Variants in ACSM2A observed in about 807,000 individuals in gnomAD.
ACSM2A encodes the protein acyl-coenzyme A synthetase ACSM2A, mitochondrial.
In ACSM2A, 72 loss-of-function variants were observed where a neutral mutation model predicts 76.6. The ratio of observed to expected loss-of-function variants is 0.94; its 90% CI spans 0.78 to 1.14. ACSM2A has a LOEUF of 1.14. ACSM2A is among the 50% of genes most tolerant of loss of function. The probability of loss-of-function intolerance (pLI) is 0.00; values close to 1 mark genes in which losing one functional copy is unlikely to be tolerated. For synonymous variants in ACSM2A, 249 were observed against 255.9 expected, an observed-to-expected ratio of 0.97 and a Z score of 0.26; for missense variants, 684 against 708.5, an observed-to-expected ratio of 0.97 and a Z score of 0.39.
At position 20,454,900 on chromosome 16, in the gene ACSM2A, G is replaced by GAA. The variant is rs71149145; in HGVS notation, c.-9+3229_-9+3230dup. 2.8e-3 allele frequency among the ~76,000 whole-genome samples: 402 copies of GAA among 143,108 alleles called. 1 individual carries two copies. The highest frequency in any genetic ancestry group is 0.015 in the East Asian group (74 of 4,902). The allele number at this position is 143,108 out of a possible 152,430, so 93.9% of individuals were successfully genotyped here. A position where few individuals can be genotyped will look rare whatever the true frequency, so the allele number is the denominator to read the frequency against. ...CAGAAAAGCTGAAGTCCAATTTAAGGAAAAAAAAAAATACAAGTTATGAGG... is the reference window on the plus strand; with the variant it reads ...CAGAAAAGCTGAAGTCCAATTTAAGGAAAAAAAAAAAAATACAAGTTATGAGG... On this transcript the variant is annotated intron_variant, in intron 1 of 13. Transcript: ENST00000573854.
Position 20,460,197 on chromosome 16 carries a change from G to A in ACSM2A, c.83G>A (p.Arg28Lys), listed in dbSNP as rs548664955. The change falls in exon 2 of 14, where the codon AGG (arginine) becomes AAG (lysine). Residue 28 changes from arginine to lysine, a missense_variant. This residue lies in a region of ACSM2A where 519 missense variants were observed against 549.5 expected (regional missense o/e 0.94). Coordinates refer to ENST00000573854, the MANE Select transcript of ACSM2A (RefSeq NM_001308172.2). ...MSSRTLYINS[R>K]QLVSLQWGHQ... is the part of the protein sequence containing the mutation. The stretch of plus-strand genomic sequence containing the variant: ...AGCCGCACTCTCTACATTAATAGTA[G>A]GCAACTGGTGTCCCTGCAGTGGGGC... The A allele has an allele frequency of 1.2e-6, 2 of 1,613,498 alleles. No individual in the cohort carries two copies. The highest frequency in any genetic ancestry group is 2.2e-5 in the East Asian group (1 of 44,854).
chr16:20,462,039 G>A (rs549105029), intron 2 of ACSM2A, among the ~76,000 whole-genome samples: 2 of 152,286 alleles, frequency 1.3e-5, no homozygotes, highest in East Asian at 1.9e-4. Flanking sequence ...GGTAAAGTCA[G>A]TTCCTTGCTG....
rs1410376297 is a variant in ACSM2A, at chr16:20,486,878, G to A, written c.*200G>A. On this transcript the variant is annotated 3_prime_UTR_variant, in exon 14 of 14. Coordinates refer to ENST00000573854, the MANE Select transcript of ACSM2A (RefSeq NM_001308172.2). ...GGGAAGGAATGAGAGAGAGTGAAAA[G>A]GAGAGGGTAACAGAAAAAAAGGAAA... is the stretch of plus-strand genomic sequence containing the variant. 4 of 578,910 alleles carry A rather than the reference G, an allele frequency of 6.9e-6. No individual in the cohort carries two copies. The highest frequency in any genetic ancestry group is 3.1e-5 in the East Asian group (1 of 32,344). 35.9% of individuals were successfully genotyped at this position (578,910 alleles called of 1,614,324 possible).
At chr16:20,480,452 T>C (rs1826299990) in intron 10 of ACSM2A, 121 bp from the exon 11 acceptor site, 1 of 1,485,944 alleles carries the variant, frequency 6.7e-7, no homozygotes. Context: ...TCTGCCATGT[T>C]CAGGTTATAC....
rs761504487 is a variant in ACSM2A at position 20,477,468 on chromosome 16, G to A, written c.1179+19G>A. The stretch of plus-strand genomic sequence containing the variant: ...TGTACAGGTTTGCTCGGGACACTGA[G>A]GAGGGAGGAAGTTAGGGGAAACACT... On this transcript the variant is annotated intron_variant, in intron 9 of 13. Transcript: ENST00000573854. The A allele has an allele frequency of 3.8e-6, 6 of 1,586,964 alleles. No homozygotes were observed. Among genetic ancestry groups the A allele is most frequent in the East Asian group, 2.2e-5 (1 of 44,536 alleles).
At chr16:20,482,890 G>A (rs1352791641) in intron 12 of ACSM2A, 168 bp from the exon 13 acceptor site, 5 of 1,125,188 alleles carry the variant, frequency 4.4e-6, no homozygotes, top group South Asian at 1.7e-5. Context: ...AGAGAGAGCT[G>A]TAACCTCATT....
chr16:20,459,156 G>T (rs2012446886), intron 1 of ACSM2A, among the ~76,000 whole-genome samples: 1 of 151,794 alleles, frequency 6.6e-6, no homozygotes, highest in African/African-American at 2.4e-5. Context: ...GGAAATGATG[G>T]GAAGGAGGTG....
chr16:20,486,554 A>G lies in ACSM2A; in HGVS notation c.1630-20A>G, dbSNP rs758241669. The G allele has an allele frequency of 6.2e-7, 1 of 1,613,180 alleles. No individual in the cohort carries two copies. Among genetic ancestry groups the G allele is most frequent in the Non-Finnish European group, 8.5e-7 (1 of 1,179,194 alleles). On this transcript the variant is annotated intron_variant, in intron 13 of 13. Transcript: ENST00000573854. ...TGTCGTCACAGATCACCCACCCTGG[A>G]CTGATTTGTTTTTCAACAGATAGAG...
At chr16:20,485,322 C>T (rs1454744473) in intron 13 of ACSM2A, among the ~76,000 whole-genome samples, 13 of 152,164 alleles carry the variant, frequency 8.5e-5, no homozygotes, top group Non-Finnish European at 1.8e-4. Context: ...CAAGTCTCTC[C>T]TCTAGAATTC....
chr16:20,454,765 C>A (rs57038710), intron 1 of ACSM2A, among the ~76,000 whole-genome samples: 3,995 of 151,790 alleles, frequency 0.026, 178 homozygotes, highest in African/African-American at 0.09. Flanking sequence ...TAACACCTCC[C>A]CCCAAAAATC....
chr16:20,471,057 T>C lies in ACSM2A; in HGVS notation c.597-16T>C. Reference sequence around the variant, plus strand: ...CAGTCTAGCTCTGAAAAAATGACAATCTGTGTCTCTGTCAGTGAGGCATCC... The same window carrying C: ...CAGTCTAGCTCTGAAAAAATGACAACCTGTGTCTCTGTCAGTGAGGCATCC... On this transcript the variant is annotated splice_polypyrimidine_tract_variant and intron_variant, in intron 4 of 13. Transcript: ENST00000573854. The C allele has an allele frequency of 6.2e-7, 1 of 1,612,862 alleles. No homozygotes were observed. The highest frequency in any genetic ancestry group is 1.1e-5 in the South Asian group (1 of 90,908).
In ACSM2A at chr16:20,484,690, A is replaced by T. The variant is rs1490355773; in HGVS notation, c.1629+1513A>T. Among the ~76,000 whole-genome samples, 57 of 150,658 alleles carry T rather than the reference A, an allele frequency of 3.8e-4. 1 individual carries two copies. The highest frequency in any genetic ancestry group is 3.8e-3 in the Admixed American group (57 of 15,148). ...CTCAATGGGAACTCCAGCCAATCCC[A>T]TGGGAGTTCTGGAGCTAGTATAACC... On this transcript the variant is annotated intron_variant, in intron 13 of 13. Transcript: ENST00000573854.
intron 2 of ACSM2A, 66 bp from the exon 3 acceptor site, chr16:20,465,451 C>T (rs1596651021): frequency 6.3e-7 from 1 of 1,574,926 alleles, no homozygotes; most frequent in Non-Finnish European, 8.7e-7. Flanking sequence ...AATCCCAAGA[C>T]TTGGAATTTA....
In ACSM2A at chr16:20,469,497, T is replaced by G; in HGVS notation, c.389-15T>G. 1.2e-6 allele frequency: 2 copies of G among 1,610,530 alleles called. No homozygotes were observed. Among genetic ancestry groups the G allele is most frequent in the Non-Finnish European group, 1.7e-6 (2 of 1,177,274 alleles). ...AATCATCCTTTCCAATTCTCTAAAT[T>G]GTTGGCTTCTTTAGGTCTCATCTTT... On this transcript the variant is annotated splice_polypyrimidine_tract_variant and intron_variant, in intron 3 of 13. Transcript: ENST00000573854.
Position 20,484,960 on chromosome 16 carries a change from C to T in ACSM2A, c.1630-1614C>T, listed in dbSNP as rs547058762. On this transcript the variant is annotated intron_variant, in intron 13 of 13. Coordinates refer to ENST00000573854, the MANE Select transcript of ACSM2A (RefSeq NM_001308172.2). ...CTTGCAGCCTCTGAGAATGAGGCAGCATAGCACAGTCTCAGGAATCAGACT... is the reference window on the plus strand; with the variant it reads ...CTTGCAGCCTCTGAGAATGAGGCAGTATAGCACAGTCTCAGGAATCAGACT... Among the ~76,000 whole-genome samples, 150 of 152,242 alleles carry T rather than the reference C, an allele frequency of 9.9e-4. 1 individual carries two copies. Among genetic ancestry groups the T allele is most frequent in the Admixed American group, 6.9e-3 (105 of 15,298 alleles).
intron 8 of ACSM2A, chr16:20,476,585 G>A (rs1770367593): frequency 1.0e-6 from 1 of 985,378 alleles, no homozygotes; most frequent in African/African-American, 1.7e-5. Flanking sequence ...ATTCAGAGGA[G>A]GACATGTTTA....
intron 3 of ACSM2A, among the ~76,000 whole-genome samples, chr16:20,468,535 T>A (rs973297966): frequency 1.3e-5 from 2 of 152,180 alleles, no homozygotes; most frequent in African/African-American, 4.8e-5. Flanking sequence ...AATTTTTGTA[T>A]TTTTAGTAAA....
intron 13 of ACSM2A, among the ~76,000 whole-genome samples, chr16:20,484,000 A>G (rs2014261815): frequency 6.6e-6 from 1 of 151,028 alleles, no homozygotes; most frequent in African/African-American, 2.4e-5. Context: ...CCAAACATAT[A>G]TTCTCAGCAG....
intron 5 of ACSM2A, 36 bp from the exon 6 acceptor site, chr16:20,471,500 C>T: frequency 1.3e-6 from 2 of 1,587,142 alleles, no homozygotes; most frequent in African/African-American, 1.3e-5. Flanking sequence ...AGCATGCACC[C>T]ACCTATATGT....
Sources: gnomAD v4.1 joint callset for allele counts (sites outside exome capture counted in the v4.1 genomes callset) on GRCh38, gnomAD v4.1.1 for gene constraint, gnomAD v4.1.1 regional missense constraint, MANE v1.5 for transcripts, NCBI Gene and HGNC (gene_info 2026-07-23, HGNC 2026-07-21) for gene names.